RELN: variants seen among roughly 807,000 people sequenced by gnomAD.
RELN encodes the protein reelin.
Under a neutral mutation model 427.6 loss-of-function variants are expected in RELN, and 108 were observed. The ratio of observed to expected loss-of-function variants is 0.25; its 90% confidence interval spans 0.22 to 0.30. The LOEUF (loss-of-function observed/expected upper bound fraction) is 0.30. RELN is among the 10% of genes least tolerant of loss of function. RELN has a pLI of 1.00. For missense variants in RELN, 3,715 were observed against 4,302.8 expected (o/e 0.86, Z 3.82); for synonymous variants, 1,524 against 1,513.4 (o/e 1.01, Z -0.16).
chr7:103,894,210 T>A (rs948662412), intron 2 of RELN, among the ~76,000 whole-genome samples: 1 of 152,172 alleles, frequency 6.6e-6, no homozygotes, highest in East Asian at 1.9e-4. Context: ...CCTCCCTATC[T>A]TTTGAACAAT....
At chr7:103,566,099 A>G in intron 33 of RELN, 125 bp downstream of exon 33, 1 of 826,398 alleles carries the variant, frequency 1.2e-6, no homozygotes, top group Middle Eastern at 3.4e-4. Context: ...TTTTTCACTG[A>G]GAGCCACCCT....
intron 22 of RELN, among the ~76,000 whole-genome samples, chr7:103,605,757 C>T (rs1048760870): frequency 1.3e-5 from 2 of 152,196 alleles, no homozygotes; most frequent in Non-Finnish European, 2.9e-5. Context: ...CAATTACCCA[C>T]ATATTAAGTA....
At chr7:103,480,393 A>C (rs1224932840) in intron 63 of RELN, among the ~76,000 whole-genome samples, 1 of 152,206 alleles carries the variant, frequency 6.6e-6, no homozygotes, top group Non-Finnish European at 1.5e-5. Flanking sequence ...TTTTGCGCTC[A>C]TCAAATGAAT....
chr7:103,540,151 A>C (rs762411799), intron 44 of RELN, 46 bp downstream of exon 44: 1 of 1,610,702 alleles, frequency 6.2e-7, no homozygotes, highest in South Asian at 1.1e-5. Context: ...GGCCACATTC[A>C]GCTCAAGTGA....
chr7:103,494,228 G>A (rs4727570), intron 57 of RELN, among the ~76,000 whole-genome samples: 60,610 of 151,942 alleles, frequency 0.4, 12,984 homozygotes, highest in African/African-American at 0.56. Flanking sequence ...GAGCTGAGGC[G>A]AAAAGCAAAT....
intron 1 of RELN, among the ~76,000 whole-genome samples, chr7:103,982,243 T>C (rs1379773186): frequency 2.6e-5 from 4 of 152,044 alleles, no homozygotes; most frequent in African/African-American, 9.7e-5. Context: ...ATACCGCCAA[T>C]AAATGGCAGA....
At chr7:103,616,589 C>T (rs1165547690) in intron 20 of RELN, among the ~76,000 whole-genome samples, 20 of 152,134 alleles carry the variant, frequency 1.3e-4, no homozygotes, top group Non-Finnish European at 4.4e-5. Flanking sequence ...ATTCCACCTT[C>T]TAGAGATGAC....
At chr7:103,836,129 A>AT (rs934425890) in intron 2 of RELN, among the ~76,000 whole-genome samples, 6 of 150,724 alleles carry the variant, frequency 4.0e-5, no homozygotes, top group African/African-American at 1.5e-4. Flanking sequence ...CAGCCAGCTA[A>AT]TTTTTTTTTG....
chr7:103,891,501 A>C (rs567259054), intron 2 of RELN, among the ~76,000 whole-genome samples: 1 of 152,170 alleles, frequency 6.6e-6, no homozygotes, highest in East Asian at 1.9e-4. Flanking sequence ...GAGCATGTTC[A>C]ATGCTTAAAT....
chr7:103,713,871 A>C (rs1339363730), intron 8 of RELN, among the ~76,000 whole-genome samples: 1 of 152,196 alleles, frequency 6.6e-6, no homozygotes, highest in African/African-American at 2.4e-5. Context: ...AGCACTGTAG[A>C]AAAATGATTA....
In RELN at chr7:103,824,159, T is replaced by C. The variant is rs1445765548; in HGVS notation, c.473+9378A>G. On this transcript the variant is annotated intron_variant, in intron 3 of 64. Coordinates refer to ENST00000428762, the MANE Select transcript of RELN (RefSeq NM_005045.4). The surrounding 1 kb of genome is among the most constrained non-coding windows in gnomAD (Gnocchi z 4.4). ...CTTGCTTAGATAGAAAACACACACA[T>C]CTTCCTCAGTTCTAGAAAAATTTCT... Among the ~76,000 whole-genome samples, 2 of 152,118 alleles carry C rather than the reference T, an allele frequency of 1.3e-5. No homozygotes were observed. The highest frequency in any genetic ancestry group is 4.8e-5 in the African/African-American group (2 of 41,438).
At chr7:103,761,190 C>G (rs568482395) in intron 4 of RELN, among the ~76,000 whole-genome samples, 1 of 152,058 alleles carries the variant, frequency 6.6e-6, no homozygotes, top group African/African-American at 2.4e-5. Flanking sequence ...GAAATAGGAA[C>G]AAAATGAAAA....
chr7:103,697,819 T>A (rs1422534374), intron 10 of RELN, 34 bp downstream of exon 10: 1 of 1,613,094 alleles, frequency 6.2e-7, no homozygotes, highest in Non-Finnish European at 8.5e-7. Context: ...AGATGAAGGA[T>A]TAAAACAACC....
chr7:103,833,713 C>T (rs763642857), intron 2 of RELN, 41 bp from the exon 3 acceptor site: 9 of 1,580,684 alleles, frequency 5.7e-6, no homozygotes, highest in Non-Finnish European at 7.8e-6. Flanking sequence ...GACAACAAAA[C>T]AAAGATCTTC....
chr7:103,653,282 C>G (rs1832960486), intron 13 of RELN, among the ~76,000 whole-genome samples: 1 of 152,016 alleles, frequency 6.6e-6, no homozygotes, highest in Admixed American at 6.6e-5. Flanking sequence ...TTCTACCTTG[C>G]CACTGCTGGA....
chr7:103,854,286 C>T (rs530471142), intron 2 of RELN, among the ~76,000 whole-genome samples: 3 of 152,218 alleles, frequency 2.0e-5, no homozygotes, highest in East Asian at 3.9e-4. Flanking sequence ...CATAAATAAT[C>T]GTTTGGTTAG....
chr7:103,963,755 A>G lies in RELN; in HGVS notation c.226+25376T>C, dbSNP rs939561252. On this transcript the variant is annotated intron_variant, in intron 1 of 64. Coordinates refer to ENST00000428762, the MANE Select transcript of RELN (RefSeq NM_005045.4). ...AGAAAAAAATAGCCTTGTTATGGGG[A>G]TATCAGTATCTCCCTTTTCAGATGA... is the stretch of plus-strand genomic sequence containing the variant. Among the ~76,000 whole-genome samples, 3 of 152,228 alleles carry G rather than the reference A, an allele frequency of 2.0e-5. No homozygotes were observed. In the East Asian group the frequency reaches 5.8e-4, roughly 29 times the overall value.
chr7:103,728,290 T>C (rs1790265356), intron 6 of RELN, 83 bp from the exon 7 acceptor site: 5 of 1,294,124 alleles, frequency 3.9e-6, no homozygotes, highest in Non-Finnish European at 4.5e-6. Flanking sequence ...CGATATAATA[T>C]TTATTGTTAC....
At chr7:103,881,188 C>T (rs1355862723) in intron 2 of RELN, among the ~76,000 whole-genome samples, 1 of 152,168 alleles carries the variant, frequency 6.6e-6, no homozygotes. Context: ...TCTACAAAAA[C>T]TGGCCTTAAC....
Sources: allele counts gnomAD v4.1 joint callset (sites outside exome capture counted in the v4.1 genomes callset), GRCh38; gene constraint gnomAD v4.1.1; non-coding constraint Gnocchi (gnomAD v3.1); transcripts MANE v1.5; gene names NCBI Gene and HGNC (gene_info 2026-07-23, HGNC 2026-07-21).